Variants in CAMK2B observed in about 807,000 individuals in gnomAD.
The protein encoded by CAMK2B is calcium/calmodulin dependent protein kinase II beta, also known as calcium/calmodulin-dependent protein kinase type II subunit beta.
Under a neutral mutation model 93.7 loss-of-function variants are expected in CAMK2B, and 27 were observed. The ratio of observed to expected loss-of-function variants is 0.29; its 90% confidence interval spans 0.21 to 0.40. The LOEUF is 0.40. Among genes scored for constraint, CAMK2B ranks in the 10% least tolerant of loss-of-function variants. The pLI is 1.00. For synonymous variants in CAMK2B, 374 were observed against 358.8 expected (o/e 1.04, Z -0.48); for missense variants, 568 against 895.8 (o/e 0.63, Z 4.67).
chr7:44,297,494 T>A (rs1272344044), intron 1 of CAMK2B, among the ~76,000 whole-genome samples: 7 of 152,186 alleles, frequency 4.6e-5, no homozygotes, highest in African/African-American at 1.7e-4. Flanking sequence ...TCCAACTATA[T>A]CAATAATCAC....
intron 16 of CAMK2B, 58 bp from the exon 17 acceptor site, chr7:44,231,112 CTGAGGGCAGGTGGACAGGG>C: frequency 7.5e-7 from 1 of 1,329,642 alleles, no homozygotes; most frequent in African/African-American, 1.5e-5. Flanking sequence ...TGGGACGTGG[CTGAGGGCAGGTGGACAGGG>C]CTGGGCCTGT....
intron 15 of CAMK2B, 101 bp from the exon 16 acceptor site, chr7:44,232,967 G>C: frequency 1.9e-6 from 2 of 1,068,662 alleles, no homozygotes; most frequent in Non-Finnish European, 2.9e-6. Flanking sequence ...GAGGAGGTGT[G>C]GGTGGCCAGA....
chr7:44,229,353 A>C, intron 18 of CAMK2B, 35 bp downstream of exon 18: 1 of 1,422,932 alleles, frequency 7.0e-7, no homozygotes, highest in Non-Finnish European at 9.5e-7. Context: ...GCCCTCCAAC[A>C]TGACCCCCAC....
chr7:44,272,317 C>G (rs757676017), intron 2 of CAMK2B, among the ~76,000 whole-genome samples: 1 of 152,046 alleles, frequency 6.6e-6, no homozygotes, highest in East Asian at 1.9e-4. Flanking sequence ...GAGGTGGTGT[C>G]GAAGGGGGTA....
chr7:44,276,303 G>T (rs956216374), intron 2 of CAMK2B, among the ~76,000 whole-genome samples: 4 of 152,142 alleles, frequency 2.6e-5, no homozygotes, highest in African/African-American at 9.7e-5. Flanking sequence ...ACCCAGTTCC[G>T]CGGATTCTGC....
At chr7:44,282,559 G>A (rs61602567) in intron 2 of CAMK2B, among the ~76,000 whole-genome samples, 3,494 of 152,306 alleles carry the variant, frequency 0.023, 127 homozygotes, top group African/African-American at 0.08. Flanking sequence ...AAGCCCCTTC[G>A]TGGCTCAGTG....
At chr7:44,260,674 C>T (rs911458554) in intron 3 of CAMK2B, among the ~76,000 whole-genome samples, 2 of 152,170 alleles carry the variant, frequency 1.3e-5, no homozygotes, top group African/African-American at 4.8e-5. Context: ...GTTCTGTGAC[C>T]ATCACTGTCA....
At chr7:44,268,323 C>T (rs1282274139) in intron 2 of CAMK2B, among the ~76,000 whole-genome samples, 1 of 152,220 alleles carries the variant, frequency 6.6e-6, no homozygotes, top group East Asian at 1.9e-4. Context: ...GTGGCTGCAG[C>T]CTCTGCTCAA....
Position 44,287,078 on chromosome 7 carries a change from C to A in CAMK2B, c.66-2853G>T, listed in dbSNP as rs747709366. ...TAGAAGACAGGGTCCCCTTTCCCAGCGACTTGGATGCCCCCAGAGGGAGAA... is the reference window on the plus strand; with the variant it reads ...TAGAAGACAGGGTCCCCTTTCCCAGAGACTTGGATGCCCCCAGAGGGAGAA... On this transcript the variant is annotated intron_variant, in intron 1 of 23. Transcript: ENST00000395749. Among the ~76,000 whole-genome samples the A allele has an allele frequency of 2.6e-5, 4 of 152,184 alleles. No individual in the cohort carries two copies. In the East Asian group the frequency reaches 7.8e-4, roughly 30 times the overall value.
intron 2 of CAMK2B, among the ~76,000 whole-genome samples, chr7:44,279,909 T>C (rs1287734547): frequency 6.6e-6 from 1 of 151,886 alleles, no homozygotes; most frequent in African/African-American, 2.4e-5. Flanking sequence ...ACTTTTGGAG[T>C]GAACGAGCAC....
At chr7:44,310,612 T>C (rs921085668) in intron 1 of CAMK2B, among the ~76,000 whole-genome samples, 1 of 152,216 alleles carries the variant, frequency 6.6e-6, no homozygotes, top group Non-Finnish European at 1.5e-5. Flanking sequence ...CACAATGGAA[T>C]ATTATTCAGC....
chr7:44,310,112 T>C (rs1480799008), intron 1 of CAMK2B, among the ~76,000 whole-genome samples: 2 of 152,278 alleles, frequency 1.3e-5, no homozygotes. Context: ...ATACGCTTTG[T>C]GCCCGCTTGC....
In CAMK2B at chr7:44,230,996, G is replaced by C. The variant is rs980781488; in HGVS notation, c.1225+10C>G. ...GGCCGCTGGGGGGGCAAGGACTCAAGTGCAGGTACCTTTAGCGTCTTCATC... is the reference window on the plus strand; with the variant it reads ...GGCCGCTGGGGGGGCAAGGACTCAACTGCAGGTACCTTTAGCGTCTTCATC... On this transcript the variant is annotated intron_variant, in intron 17 of 23. Coordinates refer to ENST00000395749, the MANE Select transcript of CAMK2B (RefSeq NM_001220.5). 14 of 1,552,784 alleles carry C rather than the reference G, an allele frequency of 9.0e-6. No homozygotes were observed. The highest frequency in any genetic ancestry group is 2.0e-5 in the Admixed American group (1 of 51,164).
intron 1 of CAMK2B, among the ~76,000 whole-genome samples, chr7:44,324,317 A>T (rs990806238): frequency 7.9e-5 from 12 of 152,168 alleles, no homozygotes; most frequent in African/African-American, 2.9e-4. Flanking sequence ...ATGGGGGAGG[A>T]CGCAGGAGGA....
intron 2 of CAMK2B, among the ~76,000 whole-genome samples, chr7:44,282,041 T>C (rs2097106093): frequency 6.6e-6 from 1 of 152,164 alleles, no homozygotes. Context: ...GCTCCACACA[T>C]GCACCTACAC....
chr7:44,276,074 G>A (rs552325204), intron 2 of CAMK2B, among the ~76,000 whole-genome samples: 4 of 151,902 alleles, frequency 2.6e-5, no homozygotes, highest in Non-Finnish European at 5.9e-5. Flanking sequence ...TAGGGAAGCA[G>A]AGGAGGTCTC....
chr7:44,317,939 G>A (rs1212280675), intron 1 of CAMK2B, among the ~76,000 whole-genome samples: 1 of 152,090 alleles, frequency 6.6e-6, no homozygotes, highest in Non-Finnish European at 1.5e-5. Context: ...GAATCACCTG[G>A]GAGCTTTTAA....
chr7:44,310,546 C>G (rs773555497), intron 1 of CAMK2B, among the ~76,000 whole-genome samples: 5 of 152,202 alleles, frequency 3.3e-5, no homozygotes, highest in Non-Finnish European at 5.9e-5. Flanking sequence ...CAGCATTATT[C>G]ACAACAGCCA....
At chr7:44,304,932 GT>G (rs1791047379) in intron 1 of CAMK2B, among the ~76,000 whole-genome samples, 1 of 151,256 alleles carries the variant, frequency 6.6e-6, no homozygotes, top group African/African-American at 2.5e-5. Context: ...CTTTTTCATT[GT>G]AAAGAGAAAA....
Sources: allele counts gnomAD v4.1 joint callset (sites outside exome capture counted in the v4.1 genomes callset), GRCh38; gene constraint gnomAD v4.1.1; transcripts MANE v1.5; gene names NCBI Gene and HGNC (gene_info 2026-07-23, HGNC 2026-07-21).